The following C1orf198 variants were observed in gnomAD, a reference collection of about 807,000 sequenced individuals.
C1orf198 encodes chromosome 1 open reading frame 198.
A neutral mutation model predicts 31.4 loss-of-function variants in C1orf198; 17 were observed. That is an observed-to-expected ratio of 0.54 (90% CI 0.37 to 0.81). C1orf198 has a LOEUF of 0.81. C1orf198 is among the 40% of genes least tolerant of loss of function. The pLI is 0.00. For missense variants in C1orf198, 401 were observed against 450.3 expected, an observed-to-expected ratio of 0.89 and a Z score of 0.99; for synonymous variants, 175 against 193.8, an observed-to-expected ratio of 0.90 and a Z score of 0.81.
At chr1:230,849,954 G>C (rs1183510870) in intron 2 of C1orf198, among the ~76,000 whole-genome samples, 4 of 152,166 alleles carry the variant, frequency 2.6e-5, no homozygotes, top group Non-Finnish European at 5.9e-5. Context: ...CAAAGAGACG[G>C]GGCGTGAACG....
chr1:230,868,622 C>A, upstream of C1orf198: 5 of 879,426 alleles, frequency 5.7e-6, no homozygotes, highest in Non-Finnish European at 7.0e-6. Context: ...CCGCCCTGCA[C>A]CGCCGCGTAC....
At position 230,865,342 on chromosome 1, in the gene C1orf198, G is replaced by C. The variant is rs573305470; in HGVS notation, c.333+2838C>G. On this transcript the variant is annotated intron_variant, in intron 1 of 3. Coordinates refer to ENST00000366663, the MANE Select transcript of C1orf198 (RefSeq NM_032800.3). ...ACAAAATGGGGTTGGGTGGCTGTGG[G>C]AAGGGGCCGGGGCCTAGGTTGAAGC... Among the ~76,000 whole-genome samples, 20 of 152,330 alleles carry C rather than the reference G, an allele frequency of 1.3e-4. 1 individual carries two copies. In the South Asian group the frequency reaches 4.1e-3, roughly 32 times the overall value.
At chr1:230,862,027 G>A (rs1454787467) in intron 1 of C1orf198, among the ~76,000 whole-genome samples, 1 of 152,236 alleles carries the variant, frequency 6.6e-6, no homozygotes, top group African/African-American at 2.4e-5. Context: ...ATGTGAGCAG[G>A]ACAGAAAGTC....
rs578216189 is a variant in C1orf198 at position 230,843,116 on chromosome 1, C to T, written c.927+238G>A. 5.9e-5 allele frequency among the ~76,000 whole-genome samples: 9 copies of T among 152,362 alleles called. No individual in the cohort carries two copies. Among genetic ancestry groups the T allele is most frequent in the Non-Finnish European group, 8.8e-5 (6 of 68,046 alleles). On this transcript the variant is annotated intron_variant, in intron 3 of 3. Coordinates refer to ENST00000366663, the MANE Select transcript of C1orf198 (RefSeq NM_032800.3). This position sits in a 1 kb window ranked among gnomAD's most constrained non-coding sequence, Gnocchi z 4.9. ...GCACTGGGGAAAGCGCAGTGGGCCA[C>T]GGAACCCTGACTGGTAAACAAATTA...
intron 3 of C1orf198, among the ~76,000 whole-genome samples, chr1:230,842,387 A>G (rs1669464493): frequency 6.6e-6 from 1 of 152,218 alleles, no homozygotes; most frequent in African/African-American, 2.4e-5. Context: ...TGTGGTATAT[A>G]TATACGATGG....
intron 2 of C1orf198, among the ~76,000 whole-genome samples, chr1:230,849,081 C>T (rs1436735665): frequency 1.3e-5 from 2 of 152,214 alleles, no homozygotes; most frequent in South Asian, 2.1e-4. Flanking sequence ...GCCCCTTTTG[C>T]CATTTCAAAG....
At chr1:230,850,260 T>C (rs1230270016) in intron 2 of C1orf198, among the ~76,000 whole-genome samples, 1 of 152,242 alleles carries the variant, frequency 6.6e-6, no homozygotes, top group African/African-American at 2.4e-5. Context: ...AGCCCAGCAC[T>C]GGGCTTAGGA....
rs79043289 is a variant in C1orf198, at chr1:230,841,875, G to T, written c.927+1479C>A. ...TCCTAACAGACAACAATAGCCAGAA[G>T]GTGGAAGCAACCCAAGTGTCTGTCG... On this transcript the variant is annotated intron_variant, in intron 3 of 3. Transcript: ENST00000366663. 6.6e-5 allele frequency among the ~76,000 whole-genome samples: 10 copies of T among 152,336 alleles called. No homozygotes were observed. The East Asian group carries it at 1.9e-3, about 29-fold the overall frequency.
Position 230,839,700 on chromosome 1 carries a change from A to T in C1orf198, c.*152T>A. ...TCTGGTTCTACCAAAAAAGAAAAAAATCTGGCAATATTGACCAGTTTCCAA... is the reference window on the plus strand; with the variant it reads ...TCTGGTTCTACCAAAAAAGAAAAAATTCTGGCAATATTGACCAGTTTCCAA... On this transcript the variant is annotated 3_prime_UTR_variant, in exon 4 of 4. Transcript: ENST00000366663. The T allele has an allele frequency of 1.6e-6, 1 of 645,052 alleles. No individual in the cohort carries two copies. The highest frequency in any genetic ancestry group is 2.6e-6 in the Non-Finnish European group (1 of 387,928). The allele number at this position is 645,052 out of a possible 1,614,324, so 40.0% of individuals were successfully genotyped here.
At chr1:230,847,102 CA>C (rs71179741) in intron 2 of C1orf198, among the ~76,000 whole-genome samples, 760 of 69,610 alleles carry the variant, frequency 0.011, 2 homozygotes, top group African/African-American at 0.051. Context: ...GACTCCGTCT[CA>C]AAAAAAAAAA....
rs1158429730 is a variant in C1orf198 at position 230,840,775 on chromosome 1, A to C, written c.928-867T>G. On this transcript the variant is annotated intron_variant, in intron 3 of 3. Coordinates refer to ENST00000366663, the MANE Select transcript of C1orf198 (RefSeq NM_032800.3). The surrounding 1 kb of genome is among the most constrained non-coding windows in gnomAD (Gnocchi z 4.0). ...AAAATGCATACATGGCGGCAAGAGC[A>C]GGCAATGGGCTAATGGGCTTGCCCT... Among the ~76,000 whole-genome samples, 1 of 152,220 alleles carries C rather than the reference A, an allele frequency of 6.6e-6. No individual in the cohort carries two copies. The highest frequency in any genetic ancestry group is 1.5e-5 in the Non-Finnish European group (1 of 68,034).
chr1:230,855,365 G>A (rs866536070), intron 2 of C1orf198, among the ~76,000 whole-genome samples: 6 of 152,218 alleles, frequency 3.9e-5, no homozygotes, highest in African/African-American at 1.4e-4. Flanking sequence ...GGGCCCCCAA[G>A]AGGGCTGGCC....
At position 230,838,583 on chromosome 1, in the gene C1orf198, A is replaced by G. The variant is rs6673201; in HGVS notation, c.*1269T>C. On this transcript the variant is annotated 3_prime_UTR_variant, in exon 4 of 4. Transcript: ENST00000366663. This position sits in a 1 kb window ranked among gnomAD's most constrained non-coding sequence, Gnocchi z 4.2. Reference sequence around the variant, plus strand: ...CGAGCGCTCACTGGCAGGTGTCGCAAAGATTAAGGCTTCAGGTGAGAACGC... The same window carrying G: ...CGAGCGCTCACTGGCAGGTGTCGCAGAGATTAAGGCTTCAGGTGAGAACGC... 17,976 of 152,430 alleles carry G rather than the reference A, an allele frequency of 0.12. 2,810 individuals carry two copies. The highest frequency in any genetic ancestry group is 0.36 in the African/African-American group (14,868 of 41,364). 9.4% of individuals were successfully genotyped at this position (152,430 alleles called of 1,614,324 possible).
chr1:230,846,928 C>T (rs1316779822), intron 2 of C1orf198, among the ~76,000 whole-genome samples: 1 of 151,996 alleles, frequency 6.6e-6, no homozygotes, highest in Non-Finnish European at 1.5e-5. Flanking sequence ...ACGGTGAAAC[C>T]CCGTCTCTAC....
At chr1:230,855,879 G>A (rs1439788843) in intron 1 of C1orf198, 161 bp from the exon 2 acceptor site, 14 of 1,407,088 alleles carry the variant, frequency 9.9e-6, no homozygotes, top group African/African-American at 2.9e-5. Context: ...TGCGCTGACC[G>A]TCTTGATCAG....
intron 2 of C1orf198, among the ~76,000 whole-genome samples, chr1:230,851,922 C>T (rs1669756615): frequency 6.6e-6 from 1 of 152,214 alleles, no homozygotes; most frequent in South Asian, 2.1e-4. Context: ...GAGAAAGGAA[C>T]CCATACAGAG....
chr1:230,854,800 T>G (rs1236269942), intron 2 of C1orf198, among the ~76,000 whole-genome samples: 4 of 152,256 alleles, frequency 2.6e-5, no homozygotes, highest in Middle Eastern at 3.4e-3. Flanking sequence ...ACCCTCCTCA[T>G]AGGTCTCCTG....
At chr1:230,850,836 A>G (rs1205957967) in intron 2 of C1orf198, among the ~76,000 whole-genome samples, 10 of 152,088 alleles carry the variant, frequency 6.6e-5, no homozygotes, top group African/African-American at 1.2e-4. Context: ...AGCAGAGCCA[A>G]TGAATCCTCT....
intron 2 of C1orf198, among the ~76,000 whole-genome samples, chr1:230,846,631 G>T (rs902111771): frequency 6.6e-6 from 1 of 152,312 alleles, no homozygotes; most frequent in South Asian, 2.1e-4. Context: ...AGTTTAAAAC[G>T]CACGCCTAGG....
Sources: gnomAD v4.1 joint callset for allele counts (sites outside exome capture counted in the v4.1 genomes callset) on GRCh38, gnomAD v4.1.1 for gene constraint, Gnocchi (gnomAD v3.1) non-coding constraint, MANE v1.5 for transcripts, NCBI Gene and HGNC (gene_info 2026-07-23, HGNC 2026-07-21) for gene names.